The following PRKG1 variants were observed in gnomAD, a reference collection of about 807,000 sequenced individuals.
PRKG1 encodes protein kinase cGMP-dependent 1.
A neutral mutation model predicts 88.1 loss-of-function variants in PRKG1; 35 were observed. The ratio of observed to expected loss-of-function variants is 0.40; its 90% CI spans 0.30 to 0.53. The LOEUF is 0.53. PRKG1 is among the 20% of genes least tolerant of loss of function. PRKG1 has a pLI of 0.59. For synonymous variants in PRKG1, 303 were observed against 292.5 expected, an observed-to-expected ratio of 1.04 and a Z score of -0.37; for missense variants, 540 against 839.8, an observed-to-expected ratio of 0.64 and a Z score of 4.41.
chr10:51,883,196 C>T (rs1841480195), intron 4 of PRKG1, among the ~76,000 whole-genome samples: 2 of 152,196 alleles, frequency 1.3e-5, no homozygotes, highest in Admixed American at 1.3e-4. Context: ...TGAACTACAA[C>T]TTATACCATT....
At chr10:52,283,760 A>G (rs971696681) in intron 14 of PRKG1, among the ~76,000 whole-genome samples, 1 of 152,100 alleles carries the variant, frequency 6.6e-6, no homozygotes, top group African/African-American at 2.4e-5. Context: ...TAAATTTAAC[A>G]TATGTGTGTG....
chr10:51,636,348 G>T (rs915764338), intron 3 of PRKG1, among the ~76,000 whole-genome samples: 3 of 152,136 alleles, frequency 2.0e-5, no homozygotes, highest in Non-Finnish European at 4.4e-5. Flanking sequence ...AATCAATTCT[G>T]TAAATTAACA....
chr10:52,206,475 G>C (rs1281352630), intron 9 of PRKG1, among the ~76,000 whole-genome samples: 1 of 152,190 alleles, frequency 6.6e-6, no homozygotes, highest in Non-Finnish European at 1.5e-5. Context: ...TTGGAGGTAA[G>C]AAGACATTCT....
chr10:51,963,384 T>TA (rs1194932164), intron 5 of PRKG1, among the ~76,000 whole-genome samples: 2 of 152,348 alleles, frequency 1.3e-5, no homozygotes, highest in South Asian at 4.1e-4. Flanking sequence ...GATGTGTTTT[T>TA]ATATTACTGT....
At chr10:51,317,527 TA>T (rs1841353272) in intron 2 of PRKG1, among the ~76,000 whole-genome samples, 6 of 152,250 alleles carry the variant, frequency 3.9e-5, no homozygotes, top group Non-Finnish European at 2.9e-5. Flanking sequence ...TAATGAATCC[TA>T]AACAGAATAA....
intron 4 of PRKG1, among the ~76,000 whole-genome samples, chr10:51,819,743 A>C (rs968876073): frequency 1.4e-4 from 22 of 152,208 alleles, no homozygotes; most frequent in Admixed American, 1.1e-3. Context: ...CAAGCCACAC[A>C]GTCCCAGGGG....
At chr10:51,487,243 TAAG>T (rs2132861810) in intron 3 of PRKG1, among the ~76,000 whole-genome samples, 1 of 152,248 alleles carries the variant, frequency 6.6e-6, no homozygotes, top group African/African-American at 2.4e-5. Flanking sequence ...ATTAAGAAAA[TAAG>T]AATACATGTT....
chr10:51,014,117 G>A (rs570413711), intron 1 of PRKG1, among the ~76,000 whole-genome samples: 1 of 152,310 alleles, frequency 6.6e-6, no homozygotes, highest in African/African-American at 2.4e-5. Context: ...TGTGAACATG[G>A]TGAATATATG....
At chr10:51,724,138 T>C (rs977792887) in intron 3 of PRKG1, among the ~76,000 whole-genome samples, 3 of 152,030 alleles carry the variant, frequency 2.0e-5, no homozygotes, top group Admixed American at 1.3e-4. Context: ...AGGTGAAAAA[T>C]ACAAGAAATC....
intron 2 of PRKG1, among the ~76,000 whole-genome samples, chr10:51,457,667 C>T (rs1406488899): frequency 1.3e-5 from 2 of 152,198 alleles, no homozygotes; most frequent in East Asian, 1.9e-4. Context: ...GCTTCATTCA[C>T]GTTGTAGCAC....
At chr10:51,000,655 T>C (rs187260684) in intron 1 of PRKG1, among the ~76,000 whole-genome samples, 10 of 152,322 alleles carry the variant, frequency 6.6e-5, no homozygotes, top group Non-Finnish European at 1.3e-4. Context: ...TTTTAATAAG[T>C]GTTGGGAGAA....
chr10:52,030,246 C>A (rs757647239), intron 5 of PRKG1, among the ~76,000 whole-genome samples: 1 of 152,196 alleles, frequency 6.6e-6, no homozygotes, highest in African/African-American at 2.4e-5. Flanking sequence ...CAGAATTTAC[C>A]TTTCCTATCT....
chr10:51,078,969 C>A (rs4935220), intron 1 of PRKG1, among the ~76,000 whole-genome samples: 2 of 151,944 alleles, frequency 1.3e-5, no homozygotes, highest in African/African-American at 4.8e-5. Flanking sequence ...ATCTTTTAAA[C>A]TTTATACTGA....
At chr10:51,894,482 A>C (rs1462275922) in intron 4 of PRKG1, among the ~76,000 whole-genome samples, 1 of 152,226 alleles carries the variant, frequency 6.6e-6, no homozygotes, top group South Asian at 2.1e-4. Flanking sequence ...TGATGGTTGC[A>C]TAACAATATG....
intron 7 of PRKG1, among the ~76,000 whole-genome samples, chr10:52,083,656 A>G (rs1846836444): frequency 6.6e-6 from 1 of 152,040 alleles, no homozygotes. Context: ...GACAGACGCA[A>G]GGGAGAGATT....
In PRKG1 at chr10:52,010,649, G is replaced by A. The variant is rs186509966; in HGVS notation, c.763-43835G>A. 1.2e-3 allele frequency among the ~76,000 whole-genome samples: 184 copies of A among 152,260 alleles called. 1 individual carries two copies. The highest frequency in any genetic ancestry group is 4.2e-3 in the South Asian group (20 of 4,814). Reference sequence around the variant, plus strand: ...TTATTTAAAAAAAGAACCTGCAGAAGCAGATGGAAGACCTCAAATAATCCA... The same window carrying A: ...TTATTTAAAAAAAGAACCTGCAGAAACAGATGGAAGACCTCAAATAATCCA... On this transcript the variant is annotated intron_variant, in intron 5 of 17. Coordinates refer to ENST00000373980, the MANE Select transcript of PRKG1 (RefSeq NM_006258.4).
intron 3 of PRKG1, among the ~76,000 whole-genome samples, chr10:51,556,811 A>T (rs1837324092): frequency 6.6e-6 from 1 of 152,050 alleles, no homozygotes; most frequent in South Asian, 2.1e-4. Flanking sequence ...TTTGTAAGCC[A>T]AACCTCAGTG....
intron 2 of PRKG1, among the ~76,000 whole-genome samples, chr10:51,240,875 A>AAG (rs763323100): frequency 6.6e-6 from 1 of 152,242 alleles, no homozygotes; most frequent in Non-Finnish European, 1.5e-5. Context: ...CCTAGGCTTG[A>AAG]AGTGGATCTC....
intron 8 of PRKG1, among the ~76,000 whole-genome samples, chr10:52,158,423 C>A (rs890401203): frequency 1.3e-5 from 2 of 151,502 alleles, no homozygotes; most frequent in Admixed American, 6.6e-5. Flanking sequence ...AGGGTTCACA[C>A]AGATGTCAGG....
Sources: gnomAD v4.1 joint callset for allele counts (sites outside exome capture counted in the v4.1 genomes callset) on GRCh38, gnomAD v4.1.1 for gene constraint, MANE v1.5 for transcripts, NCBI Gene and HGNC (gene_info 2026-07-23, HGNC 2026-07-21) for gene names.